Variants in FBXL13 observed in about 807,000 individuals in gnomAD.
FBXL13 encodes F-box and leucine rich repeat protein 13.
FBXL13 carries 67 observed loss-of-function variants against 83.6 expected under a neutral mutation model. The observed-to-expected ratio is 0.80, with a 90% CI of 0.66 to 0.98. The LOEUF is 0.98. Among genes scored for constraint, FBXL13 ranks in the 50% least tolerant of loss-of-function variants. The pLI is 0.00. For synonymous variants in FBXL13, 272 were observed against 299.5 expected (o/e 0.91, Z 0.95); for missense variants, 822 against 866.5 (o/e 0.95, Z 0.64).
intron 11 of FBXL13, among the ~76,000 whole-genome samples, chr7:102,894,072 A>G (rs1420858603): frequency 6.6e-6 from 1 of 152,340 alleles, no homozygotes. Context: ...TGCTTTGCTT[A>G]TGCAATCTCC....
At chr7:102,856,976 G>T (rs1327998403) in intron 16 of FBXL13, among the ~76,000 whole-genome samples, 4 of 152,146 alleles carry the variant, frequency 2.6e-5, no homozygotes. Flanking sequence ...TAAAATCCAT[G>T]CATTCTTCAA....
At chr7:102,929,066 C>A (rs1484935153) in intron 9 of FBXL13, among the ~76,000 whole-genome samples, 10 of 152,114 alleles carry the variant, frequency 6.6e-5, no homozygotes, top group African/African-American at 2.4e-4. Context: ...TTATGTTCTG[C>A]TGGACAGGGA....
At position 102,917,398 on chromosome 7, in the gene FBXL13, C is replaced by T. The variant is rs537329572; in HGVS notation, c.879-4183G>A. The stretch of plus-strand genomic sequence containing the variant: ...CAAAGATCATAATAGCTTTACTCAG[C>T]ACTGTATGCCCAGAACACCTTGCAC... On this transcript the variant is annotated intron_variant, in intron 10 of 19. Coordinates refer to ENST00000313221, the Ensembl canonical transcript of FBXL13. Among the ~76,000 whole-genome samples the T allele has an allele frequency of 2.5e-3, 374 of 152,296 alleles. 3 individuals are homozygous for T. The highest frequency in any genetic ancestry group is 8.5e-3 in the South Asian group (41 of 4,816).
At chr7:103,036,158 C>T (rs1054367452) in intron 2 of FBXL13, among the ~76,000 whole-genome samples, 1 of 152,170 alleles carries the variant, frequency 6.6e-6, no homozygotes, top group Admixed American at 6.5e-5. Context: ...TGAGGTACAA[C>T]AGTTTCATCC....
At chr7:102,920,450 A>C (rs1203483711) in intron 10 of FBXL13, among the ~76,000 whole-genome samples, 1 of 152,110 alleles carries the variant, frequency 6.6e-6, no homozygotes, top group African/African-American at 2.4e-5. Context: ...TCTGTGCTCA[A>C]ATGATCCTCC....
At chr7:102,860,360 G>A (rs940293909) in intron 16 of FBXL13, among the ~76,000 whole-genome samples, 1 of 152,182 alleles carries the variant, frequency 6.6e-6, no homozygotes, top group African/African-American at 2.4e-5. Flanking sequence ...ACAGAGGAAG[G>A]AGATTTTGAA....
At chr7:102,893,451 T>C (rs1447479413) in intron 11 of FBXL13, among the ~76,000 whole-genome samples, 3 of 152,062 alleles carry the variant, frequency 2.0e-5, no homozygotes, top group African/African-American at 4.8e-5. Context: ...TAACAAGAAA[T>C]AGATCCCAGG....
intron 2 of FBXL13, 114 bp from the exon 4 acceptor site, chr7:103,029,532 T>C (rs1345623966): frequency 1.4e-5 from 7 of 511,176 alleles, no homozygotes; most frequent in East Asian, 3.7e-5. Flanking sequence ...GGGAAGGGAA[T>C]TGGGCAGTTG....
At chr7:103,000,287 A>G (rs1484627121) in intron 6 of FBXL13, among the ~76,000 whole-genome samples, 2 of 152,180 alleles carry the variant, frequency 1.3e-5, no homozygotes, top group African/African-American at 4.8e-5. Context: ...CCAAGGCAGG[A>G]GGATTGCTAA....
At chr7:103,031,483 CAAAGGATTCTGG>C (rs1157852649) in intron 2 of FBXL13, 14 of 152,128 alleles carry the variant, frequency 9.2e-5, no homozygotes, top group African/African-American at 3.4e-4. Flanking sequence ...AAATGGAGGG[CAAAGGATTCTGG>C]TAACAACTTT....
intron 2 of FBXL13, chr7:103,031,224 T>A (rs1794479631): frequency 6.6e-6 from 1 of 152,236 alleles, no homozygotes; most frequent in African/African-American, 2.4e-5. Context: ...GACCACTTAG[T>A]CACATGGCTT....
At chr7:102,828,516 A>G (rs1800116255) in intron 18 of FBXL13, among the ~76,000 whole-genome samples, 1 of 152,188 alleles carries the variant, frequency 6.6e-6, no homozygotes, top group African/African-American at 2.4e-5. Context: ...GAATTAGCAA[A>G]TCTCTTACTC....
At chr7:103,051,254 C>T (rs1280184637) in intron 2 of FBXL13, among the ~76,000 whole-genome samples, 1 of 152,112 alleles carries the variant, frequency 6.6e-6, no homozygotes, top group African/African-American at 2.4e-5. Context: ...TTTTATAACC[C>T]CTGCAATATT....
chr7:102,850,162 TG>T (rs1388300635), intron 17 of FBXL13, among the ~76,000 whole-genome samples: 1 of 152,174 alleles, frequency 6.6e-6, no homozygotes, highest in Non-Finnish European at 1.5e-5. Context: ...AGTTACCAAA[TG>T]GGTAAATGCT....
At position 102,942,311 on chromosome 7, in the gene FBXL13, C is replaced by G. The variant is rs772904423; in HGVS notation, c.725-10378G>C. The G allele has an allele frequency of 5.6e-6, 9 of 1,597,034 alleles. No homozygotes were observed. The Admixed American group carries it at 1.6e-4, about 28-fold the overall frequency. ...TCAGGGTCTTTGAGATGAAACCCTG[C>G]AAGTAGACTTACGTGAATGATTTTT... On this transcript the variant is annotated intron_variant, in intron 8 of 19. Transcript: ENST00000313221.
intron 10 of FBXL13, among the ~76,000 whole-genome samples, chr7:102,915,773 T>C (rs1815730276): frequency 6.6e-6 from 1 of 152,256 alleles, no homozygotes; most frequent in Non-Finnish European, 1.5e-5. Flanking sequence ...TGTGCTTCTT[T>C]ATTAACATAT....
intron 17 of FBXL13, 98 bp from the exon 19 acceptor site, chr7:102,833,072 A>ATG: frequency 1.5e-6 from 2 of 1,310,712 alleles, no homozygotes; most frequent in Non-Finnish European, 1.0e-6. Context: ...AGTCCCTGAA[A>ATG]TACAGATGTT....
chr7:102,864,644 C>T (rs1238299190), intron 16 of FBXL13, among the ~76,000 whole-genome samples: 1 of 152,168 alleles, frequency 6.6e-6, no homozygotes, highest in African/African-American at 2.4e-5. Context: ...GCTGGGATTA[C>T]AGGTGTGAGC....
intron 2 of FBXL13, among the ~76,000 whole-genome samples, chr7:103,043,768 C>A (rs1253021322): frequency 6.6e-6 from 1 of 152,196 alleles, no homozygotes; most frequent in Admixed American, 6.5e-5. Context: ...CCTGCCTTGG[C>A]CTCCCAAAGT....
Sources: allele counts gnomAD v4.1 joint callset (sites outside exome capture counted in the v4.1 genomes callset), GRCh38; gene constraint gnomAD v4.1.1; transcripts MANE v1.5; gene names NCBI Gene and HGNC (gene_info 2026-07-23, HGNC 2026-07-21).